Variants in PLCB4 observed in about 807,000 individuals in gnomAD.
PLCB4 encodes the protein 1-phosphatidylinositol 4,5-bisphosphate phosphodiesterase beta-4.
A neutral mutation model predicts 178.8 loss-of-function variants in PLCB4; 77 were observed. The observed-to-expected ratio is 0.43, with a 90% confidence interval of 0.36 to 0.52. The LOEUF (loss-of-function observed/expected upper bound fraction) is 0.52. Ranked by LOEUF, PLCB4 falls within the 20% of genes least tolerant of loss-of-function variation. The pLI is 0.00. For synonymous variants in PLCB4, 496 were observed against 490.8 expected, an observed-to-expected ratio of 1.01 and a Z score of -0.14; for missense variants, 1,024 against 1,453.4, an observed-to-expected ratio of 0.70 and a Z score of 4.80.
chr20:9,423,758 CG>C lies in PLCB4; in HGVS notation c.2332del (p.Asp778ThrfsTer5). The C allele has an allele frequency of 6.2e-7, 1 of 1,613,388 alleles. No individual in the cohort carries two copies. The highest frequency in any genetic ancestry group is 1.7e-5 in the Admixed American group (1 of 59,942). ...ESFVFRKVIL[P>X]DLAVLRIAVY... ...CTGTTCTGTTTGCAGGTGATCCTGC[CG>C]GACCTGGCTGTCTTGAGAATAGCTG... On this transcript the variant is annotated frameshift_variant, in exon 28 of 40. Coordinates refer to ENST00000378473, the MANE Select transcript of PLCB4 (RefSeq NM_001377142.1). LOFTEE classifies it high-confidence loss of function.
At chr20:9,227,538 T>C (rs1366086165) in intron 3 of PLCB4, among the ~76,000 whole-genome samples, 1 of 152,190 alleles carries the variant, frequency 6.6e-6, no homozygotes, top group African/African-American at 2.4e-5. Flanking sequence ...AATTCGCATG[T>C]AGATATCCAG....
At chr20:9,262,575 G>T (rs2094309186) in intron 3 of PLCB4, among the ~76,000 whole-genome samples, 1 of 152,114 alleles carries the variant, frequency 6.6e-6, no homozygotes, top group Admixed American at 6.5e-5. Flanking sequence ...GGAGTTTGAA[G>T]AGTTGACACT....
chr20:9,145,471 A>T (rs1047843466), intron 2 of PLCB4, among the ~76,000 whole-genome samples: 1 of 151,358 alleles, frequency 6.6e-6, no homozygotes, highest in Non-Finnish European at 1.5e-5. Flanking sequence ...AAAATTCATA[A>T]TGATCACTCT....
intron 25 of PLCB4, among the ~76,000 whole-genome samples, chr20:9,416,291 G>C (rs1980648732): frequency 6.6e-6 from 1 of 152,166 alleles, no homozygotes; most frequent in Admixed American, 6.5e-5. Context: ...TGGTGGGTAG[G>C]AAGGGCTCTT....
intron 28 of PLCB4, among the ~76,000 whole-genome samples, chr20:9,430,427 A>G (rs1342227529): frequency 6.6e-6 from 1 of 152,184 alleles, no homozygotes; most frequent in African/African-American, 2.4e-5. Context: ...TTATTATTGT[A>G]TATTGTAATT....
chr20:9,327,687 T>A (rs975294951), intron 4 of PLCB4, among the ~76,000 whole-genome samples: 24 of 151,120 alleles, frequency 1.6e-4, no homozygotes, highest in South Asian at 1.0e-3. Context: ...GAGGCAGGAG[T>A]ATGGCGTGAA....
intron 7 of PLCB4, among the ~76,000 whole-genome samples, chr20:9,352,057 G>T (rs2034393149): frequency 6.6e-6 from 1 of 152,316 alleles, no homozygotes; most frequent in Non-Finnish European, 1.5e-5. Flanking sequence ...GGCTTAAGAT[G>T]ATGCTTTTGG....
intron 1 of PLCB4, among the ~76,000 whole-genome samples, chr20:9,070,881 T>A (rs1353757330): frequency 6.6e-6 from 1 of 152,228 alleles, no homozygotes; most frequent in Admixed American, 6.5e-5. Flanking sequence ...AATGCTGTTC[T>A]ACAAGTAACT....
chr20:9,135,880 CT>C (rs2092371874), intron 2 of PLCB4, among the ~76,000 whole-genome samples: 1 of 152,104 alleles, frequency 6.6e-6, no homozygotes, highest in Non-Finnish European at 1.5e-5. Context: ...GTCCCTTTTA[CT>C]GCTGTAAATT....
At chr20:9,167,152 C>T in intron 2 of PLCB4, among the ~76,000 whole-genome samples, 1 of 151,858 alleles carries the variant, frequency 6.6e-6, no homozygotes, top group Non-Finnish European at 1.5e-5. Context: ...TTATTTATCA[C>T]ACTCCATATT....
At chr20:9,139,596 G>A (rs933525660) in intron 2 of PLCB4, among the ~76,000 whole-genome samples, 34 of 152,174 alleles carry the variant, frequency 2.2e-4, no homozygotes, top group Admixed American at 2.0e-3. Flanking sequence ...GGGCTCAGAA[G>A]TCCTGGGTGA....
At chr20:9,457,001 A>G (rs1458888313) in intron 33 of PLCB4, among the ~76,000 whole-genome samples, 3 of 152,230 alleles carry the variant, frequency 2.0e-5, no homozygotes, top group Non-Finnish European at 4.4e-5. Flanking sequence ...CTTCACTGGC[A>G]TATTTAAAAG....
intron 28 of PLCB4, among the ~76,000 whole-genome samples, chr20:9,424,740 G>A (rs1390315685): frequency 6.6e-6 from 1 of 152,136 alleles, no homozygotes; most frequent in Non-Finnish European, 1.5e-5. Flanking sequence ...ATTGTGAGGT[G>A]CTTATCATTA....
chr20:9,210,072 T>C (rs1796338581), intron 2 of PLCB4, among the ~76,000 whole-genome samples: 1 of 151,404 alleles, frequency 6.6e-6, no homozygotes, highest in Non-Finnish European at 1.5e-5. Flanking sequence ...TTCAAGTCAC[T>C]ACGTTTGTGG....
intron 1 of PLCB4, among the ~76,000 whole-genome samples, chr20:9,079,260 A>G (rs1245067495): frequency 6.6e-6 from 1 of 152,212 alleles, no homozygotes; most frequent in African/African-American, 2.4e-5. Flanking sequence ...GTGTACGCCA[A>G]GTCCTTTGAG....
chr20:9,336,852 A>C (rs2032541989), intron 4 of PLCB4, among the ~76,000 whole-genome samples: 1 of 152,092 alleles, frequency 6.6e-6, no homozygotes, highest in South Asian at 2.1e-4. Context: ...TATTAAGGAA[A>C]CTTTCTTCTC....
intron 3 of PLCB4, among the ~76,000 whole-genome samples, chr20:9,260,189 G>A (rs1172917298): frequency 1.3e-5 from 2 of 152,076 alleles, no homozygotes; most frequent in Non-Finnish European, 2.9e-5. Flanking sequence ...TATATGAAAA[G>A]CATGAGGAAT....
At chr20:9,435,509 T>G (rs765573127) in intron 28 of PLCB4, 51 bp from the exon 29 acceptor site, 1 of 1,042,406 alleles carries the variant, frequency 9.6e-7, no homozygotes. Context: ...TTAATGAATA[T>G]TTTCAGTAAA....
At chr20:9,456,115 C>T (rs1473611214) in intron 33 of PLCB4, among the ~76,000 whole-genome samples, 1 of 152,194 alleles carries the variant, frequency 6.6e-6, no homozygotes, top group Admixed American at 6.5e-5. Context: ...GAATTACAAG[C>T]GTGAGCCACT....
Sources: allele counts gnomAD v4.1 joint callset (sites outside exome capture counted in the v4.1 genomes callset), GRCh38; gene constraint gnomAD v4.1.1; transcripts MANE v1.5; gene names NCBI Gene and HGNC (gene_info 2026-07-23, HGNC 2026-07-21).